ITGBL1: variants seen among roughly 807,000 people sequenced by gnomAD.
The protein encoded by ITGBL1 is integrin beta-like protein 1.
In ITGBL1, 51 loss-of-function variants were observed where a neutral mutation model predicts 68.5. That is an observed-to-expected ratio of 0.74 (90% confidence interval 0.59 to 0.94). ITGBL1 has a LOEUF of 0.94. Among genes scored for constraint, ITGBL1 ranks in the 40% least tolerant of loss-of-function variants. The pLI, the probability that ITGBL1 is intolerant of heterozygous loss-of-function variation, is 0.00. For missense variants in ITGBL1, 649 were observed against 647.4 expected (o/e 1.00, Z -0.03); for synonymous variants, 209 against 227.3 (o/e 0.92, Z 0.72).
chr13:101,712,567 C>T (rs1249920302), intron 9 of ITGBL1: 1 of 152,096 alleles, frequency 6.6e-6, no homozygotes, highest in Non-Finnish European at 1.5e-5. Context: ...ATATTATGGG[C>T]ATATAAAATC....
chr13:101,663,549 G>C (rs1037364149), intron 7 of ITGBL1, among the ~76,000 whole-genome samples: 4 of 152,136 alleles, frequency 2.6e-5, no homozygotes, highest in African/African-American at 4.8e-5. Flanking sequence ...ATTCCAGTCT[G>C]TCCACCATTT....
intron 2 of ITGBL1, among the ~76,000 whole-genome samples, chr13:101,481,945 G>C (rs1044689208): frequency 6.6e-6 from 1 of 152,070 alleles, no homozygotes; most frequent in Non-Finnish European, 1.5e-5. Context: ...AGGGGAATGT[G>C]GTGGGGCCAG....
intron 6 of ITGBL1, among the ~76,000 whole-genome samples, chr13:101,584,964 G>T (rs1289778036): frequency 6.6e-6 from 1 of 151,760 alleles, no homozygotes; most frequent in Non-Finnish European, 1.5e-5. Context: ...GATGAGAGGG[G>T]CATTCCAAGC....
intron 3 of ITGBL1, among the ~76,000 whole-genome samples, chr13:101,570,842 CTT>C (rs1186289144): frequency 6.6e-6 from 1 of 152,086 alleles, no homozygotes; most frequent in Non-Finnish European, 1.5e-5. Context: ...TAAGAAATAA[CTT>C]AAGCTAAGTT....
intron 2 of ITGBL1, among the ~76,000 whole-genome samples, chr13:101,542,720 C>T (rs2042300934): frequency 6.6e-6 from 1 of 152,128 alleles, no homozygotes; most frequent in South Asian, 2.1e-4. Context: ...TAAGGACTTG[C>T]TTTATGAATC....
intron 2 of ITGBL1, among the ~76,000 whole-genome samples, chr13:101,486,680 G>C (rs2048707196): frequency 6.6e-6 from 1 of 152,126 alleles, no homozygotes; most frequent in South Asian, 2.1e-4. Context: ...ACCTCTTGCA[G>C]CTTTGAAACT....
intron 2 of ITGBL1, among the ~76,000 whole-genome samples, chr13:101,479,781 G>A (rs1192077875): frequency 6.6e-6 from 1 of 152,010 alleles, no homozygotes; most frequent in Non-Finnish European, 1.5e-5. Flanking sequence ...CAGTTAAAGT[G>A]GCTTTAATCC....
chr13:101,616,029 C>T (rs1281599243), intron 7 of ITGBL1, among the ~76,000 whole-genome samples: 2 of 152,020 alleles, frequency 1.3e-5, no homozygotes, highest in African/African-American at 4.8e-5. Flanking sequence ...TATAGCAGCT[C>T]AAATGGACTA....
intron 7 of ITGBL1, among the ~76,000 whole-genome samples, chr13:101,661,597 G>A (rs1424813067): frequency 6.6e-6 from 1 of 152,100 alleles, no homozygotes; most frequent in Non-Finnish European, 1.5e-5. Context: ...TTGATATTTG[G>A]TATAATAGAT....
intron 2 of ITGBL1, among the ~76,000 whole-genome samples, chr13:101,466,211 AG>A (rs1359100422): frequency 1.3e-5 from 2 of 152,158 alleles, no homozygotes; most frequent in African/African-American, 4.8e-5. Context: ...TCCCTTGACA[AG>A]GAATATTAGT....
At chr13:101,469,814 C>T (rs2048433013) in intron 2 of ITGBL1, among the ~76,000 whole-genome samples, 1 of 152,128 alleles carries the variant, frequency 6.6e-6, no homozygotes, top group African/African-American at 2.4e-5. Context: ...CAATCTTTTC[C>T]TTGGGAAAAC....
chr13:101,500,686 T>C (rs2048927703), intron 2 of ITGBL1, among the ~76,000 whole-genome samples: 1 of 152,222 alleles, frequency 6.6e-6, no homozygotes, highest in Non-Finnish European at 1.5e-5. Flanking sequence ...CACTTTCATG[T>C]AAGTCAGTCA....
intron 2 of ITGBL1, among the ~76,000 whole-genome samples, chr13:101,534,836 A>G (rs867499608): frequency 5.9e-5 from 9 of 152,054 alleles, no homozygotes; most frequent in Admixed American, 6.6e-5. Flanking sequence ...CATAAGTACA[A>G]TTTTTTTCCA....
intron 7 of ITGBL1, among the ~76,000 whole-genome samples, chr13:101,687,663 C>G (rs545664382): frequency 6.6e-6 from 1 of 152,028 alleles, no homozygotes; most frequent in South Asian, 2.1e-4. Context: ...GAAATGATAT[C>G]ATTGGAATGA....
At chr13:101,598,800 G>A (rs140599692) in intron 7 of ITGBL1, among the ~76,000 whole-genome samples, 1 of 152,158 alleles carries the variant, frequency 6.6e-6, no homozygotes, top group African/African-American at 2.4e-5. Flanking sequence ...ATTCCATGCT[G>A]TATATGTGCC....
At chr13:101,553,006 A>G (rs1471211071) in intron 2 of ITGBL1, among the ~76,000 whole-genome samples, 1 of 152,164 alleles carries the variant, frequency 6.6e-6, no homozygotes, top group African/African-American at 2.4e-5. Context: ...CAGTGATGCA[A>G]TGTTGTTAGT....
chr13:101,472,721 AT>A (rs199717194), intron 2 of ITGBL1, among the ~76,000 whole-genome samples: 1 of 151,672 alleles, frequency 6.6e-6, no homozygotes. Context: ...GGGTTGTTTC[AT>A]TTTTTTTAAT....
intron 2 of ITGBL1, among the ~76,000 whole-genome samples, chr13:101,454,407 C>A (rs1432158633): frequency 3.0e-5 from 4 of 131,558 alleles, no homozygotes; most frequent in African/African-American, 3.4e-5. Context: ...GGTCCCCCCC[C>A]CCCCCCCCAA....
At chr13:101,674,331 C>T (rs920326260) in intron 7 of ITGBL1, among the ~76,000 whole-genome samples, 3 of 152,114 alleles carry the variant, frequency 2.0e-5, no homozygotes, top group Admixed American at 6.5e-5. Context: ...CCTTTAAAAA[C>T]CCTTGTCTTC....
Sources: allele counts gnomAD v4.1 joint callset (sites outside exome capture counted in the v4.1 genomes callset), GRCh38; gene constraint gnomAD v4.1.1; transcripts MANE v1.5; gene names NCBI Gene and HGNC (gene_info 2026-07-23, HGNC 2026-07-21).